Variants in NF1 observed in about 807,000 individuals in gnomAD.
NF1 encodes neurofibromin.
Under a neutral mutation model 325.7 loss-of-function variants are expected in NF1, and 122 were observed. That is an observed-to-expected ratio of 0.37 (90% CI 0.32 to 0.44). The LOEUF is 0.44. Ranked by LOEUF, NF1 falls within the 20% of genes least tolerant of loss-of-function variation. The probability of loss-of-function intolerance (pLI) is 1.00; values close to 1 mark genes in which losing one functional copy is unlikely to be tolerated. For missense variants in NF1, 2,140 were observed against 3,415.4 expected (o/e 0.63, Z 9.31); for synonymous variants, 1,091 against 1,186.0 (o/e 0.92, Z 1.65).
intron 36 of NF1, among the ~76,000 whole-genome samples, chr17:31,281,418 A>G (rs2068116232): frequency 1.3e-5 from 2 of 151,616 alleles, no homozygotes; most frequent in South Asian, 4.2e-4. Flanking sequence ...TAATGCTAGA[A>G]AAAAGTCTTA....
chr17:31,161,442 A>G (rs549071362), intron 3 of NF1, among the ~76,000 whole-genome samples: 13 of 152,202 alleles, frequency 8.5e-5, no homozygotes, highest in Non-Finnish European at 1.9e-4. Flanking sequence ...GTTCTTTGCC[A>G]TCTTGCTCAG....
chr17:31,245,230 A>G (rs564109733), intron 29 of NF1, among the ~76,000 whole-genome samples: 3 of 152,358 alleles, frequency 2.0e-5, no homozygotes, highest in East Asian at 1.9e-4. Context: ...CTAGACCTCC[A>G]TATCTTAAGA....
intron 38 of NF1, among the ~76,000 whole-genome samples, chr17:31,329,434 C>CT (rs1213318255): frequency 2.6e-5 from 4 of 152,102 alleles, no homozygotes; most frequent in South Asian, 2.1e-4. Flanking sequence ...ATTCCAGTGG[C>CT]TTTTTTTCCC....
intron 30 of NF1, 62 bp downstream of exon 30, chr17:31,249,181 T>C: frequency 6.4e-7 from 1 of 1,565,892 alleles, no homozygotes; most frequent in Non-Finnish European, 8.8e-7. Flanking sequence ...GAATGCTTTA[T>C]CAAAGAAGGA....
rs1555610898 is a variant in NF1, at chr17:31,200,522, C to G, written c.989C>G (p.Ala330Gly). The G allele has an allele frequency of 6.2e-7, 1 of 1,614,120 alleles. No homozygotes were observed. The highest frequency in any genetic ancestry group is 1.1e-5 in the South Asian group (1 of 91,078). ...AAIACVKLCK[A>G]STYINWEDNS... is the part of the protein sequence containing the mutation. ...ATTGCCTGTGTCAAACTGTGTAAAG[C>G]AAGTACTTACATCAATTGGGAAGAT... is the stretch of plus-strand genomic sequence containing the variant. The change falls in exon 9 of 58, where the codon GCA (alanine) becomes GGA (glycine). Residue 330 changes from alanine to glycine, a missense_variant. Physicochemically the swap from Ala to Gly is moderately conservative, Grantham distance 60. Coordinates refer to ENST00000358273, the MANE Select transcript of NF1 (RefSeq NM_001042492.3).
intron 1 of NF1, among the ~76,000 whole-genome samples, chr17:31,105,730 T>C (rs1484443086): frequency 6.6e-6 from 1 of 152,120 alleles, no homozygotes; most frequent in Non-Finnish European, 1.5e-5. Context: ...GTCAGGCTAG[T>C]CTTGAACTCC....
At chr17:31,168,565 G>C (rs1043889784) in intron 4 of NF1, among the ~76,000 whole-genome samples, 4 of 151,944 alleles carry the variant, frequency 2.6e-5, no homozygotes, top group Admixed American at 2.0e-4. Flanking sequence ...TTCCCATGCT[G>C]TTTATTTGTT....
chr17:31,095,581 T>C, intron 1 of NF1: 2 of 465,302 alleles, frequency 4.3e-6, no homozygotes, highest in Non-Finnish European at 7.8e-6. Context: ...GGGCACCCTT[T>C]CCCTCCTAAG....
At chr17:31,105,597 C>T (rs1912786604) in intron 1 of NF1, among the ~76,000 whole-genome samples, 2 of 152,190 alleles carry the variant, frequency 1.3e-5, no homozygotes. Flanking sequence ...TCACTGCAAC[C>T]TCTGCCTCCC....
chr17:31,163,510 C>T (rs1253239422), intron 4 of NF1, 134 bp downstream of exon 4: 4 of 940,500 alleles, frequency 4.3e-6, no homozygotes, highest in Non-Finnish European at 6.5e-6. Context: ...TTGCCCCTCA[C>T]AGCAGCTTTG....
At chr17:31,135,906 A>G (rs1035192763) in intron 1 of NF1, among the ~76,000 whole-genome samples, 1 of 151,484 alleles carries the variant, frequency 6.6e-6, no homozygotes, top group Non-Finnish European at 1.5e-5. Context: ...CTTTTATTCA[A>G]CTGTTTCATT....
intron 48 of NF1, among the ~76,000 whole-genome samples, chr17:31,345,318 C>T (rs2069942785): frequency 6.6e-6 from 1 of 152,122 alleles, no homozygotes; most frequent in African/African-American, 2.4e-5. Flanking sequence ...TTTTGTATTC[C>T]GCCTGCGACT....
At chr17:31,216,223 C>G (rs1250870221) in intron 13 of NF1, among the ~76,000 whole-genome samples, 2 of 152,182 alleles carry the variant, frequency 1.3e-5, no homozygotes, top group African/African-American at 2.4e-5. Context: ...AATTCACATT[C>G]AAAGCAGGCA....
intron 36 of NF1, among the ~76,000 whole-genome samples, chr17:31,303,595 A>G (rs1179781602): frequency 2.0e-5 from 3 of 152,114 alleles, no homozygotes; most frequent in African/African-American, 7.2e-5. Flanking sequence ...TAAAGAAGAA[A>G]CTTGTAAAGA....
At chr17:31,346,232 C>G in intron 48 of NF1, 2 of 1,610,362 alleles carry the variant, frequency 1.2e-6, no homozygotes, top group Non-Finnish European at 1.7e-6. Flanking sequence ...GTCATTCATT[C>G]AGTAGTGTGT....
intron 29 of NF1, among the ~76,000 whole-genome samples, chr17:31,237,656 C>CTTTT (rs34107657): frequency 0.028 from 3,567 of 125,956 alleles, 81 homozygotes; most frequent in Non-Finnish European, 0.043. Context: ...CTCATGTCTA[C>CTTTT]TTTTTTTTTT....
At chr17:31,329,539 G>T (rs1423162097) in intron 38 of NF1, among the ~76,000 whole-genome samples, 3 of 152,178 alleles carry the variant, frequency 2.0e-5, no homozygotes, top group African/African-American at 7.2e-5. Context: ...TTACTGGACA[G>T]GGGAGAAAAT....
intron 31 of NF1, among the ~76,000 whole-genome samples, chr17:31,258,057 GTGA>G (rs1282094458): frequency 2.0e-5 from 3 of 152,082 alleles, no homozygotes; most frequent in Non-Finnish European, 4.4e-5. Context: ...TGCAGTATAA[GTGA>G]TGATACAGTG....
At chr17:31,356,377 G>T (rs1393983057) in intron 51 of NF1, 83 bp from the exon 52 acceptor site, 15 of 1,449,088 alleles carry the variant, frequency 1.0e-5, no homozygotes, top group Non-Finnish European at 1.4e-5. Flanking sequence ...AACACTTTAT[G>T]TCCAAACATT....
Sources: allele counts gnomAD v4.1 joint callset (sites outside exome capture counted in the v4.1 genomes callset), GRCh38; gene constraint gnomAD v4.1.1; transcripts MANE v1.5; gene names NCBI Gene and HGNC (gene_info 2026-07-23, HGNC 2026-07-21).